Variants in WDR20 observed in about 807,000 individuals in gnomAD.
WDR20 encodes WD repeat-containing protein 20.
A neutral mutation model predicts 38.7 loss-of-function variants in WDR20; 3 were observed. The ratio of observed to expected loss-of-function variants is 0.08; its 90% CI spans 0.04 to 0.20. The LOEUF (loss-of-function observed/expected upper bound fraction) is 0.20. WDR20 is among the 10% of genes least tolerant of loss of function. WDR20 has a pLI of 1.00. For missense variants in WDR20, 559 were observed against 727.7 expected, an observed-to-expected ratio of 0.77 and a Z score of 2.67; for synonymous variants, 298 against 285.6, an observed-to-expected ratio of 1.04 and a Z score of -0.44.
intron 1 of WDR20, among the ~76,000 whole-genome samples, chr14:102,172,752 G>C (rs1267603950): frequency 6.7e-6 from 1 of 150,352 alleles, no homozygotes; most frequent in Admixed American, 6.6e-5. Flanking sequence ...CTGCCGGGCG[G>C]AGACGCTCCT....
At chr14:102,146,638 C>T (rs2053735619) in intron 1 of WDR20, among the ~76,000 whole-genome samples, 1 of 152,132 alleles carries the variant, frequency 6.6e-6, no homozygotes, top group Admixed American at 6.6e-5. Flanking sequence ...GTCTCTTTGT[C>T]AAAAACTGCA....
Position 102,191,016 on chromosome 14 carries a change from G to A in WDR20, c.250-3922G>A, listed in dbSNP as rs376389700. Reference sequence around the variant, plus strand: ...ACTCTATCTCAAAAAAAAAAAAAAAGAAAAAAATTAGGAGACATTTTGATT... The same window carrying A: ...ACTCTATCTCAAAAAAAAAAAAAAAAAAAAAAATTAGGAGACATTTTGATT... On this transcript the variant is annotated intron_variant, in intron 1 of 2. Transcript: ENST00000342702. Among the ~76,000 whole-genome samples, 696 of 148,860 alleles carry A rather than the reference G, an allele frequency of 4.7e-3. 6 individuals carry two copies. Among genetic ancestry groups the A allele is most frequent in the African/African-American group, 0.015 (621 of 40,446 alleles).
At chr14:102,146,252 C>T (rs2053603000) in intron 1 of WDR20, among the ~76,000 whole-genome samples, 1 of 152,084 alleles carries the variant, frequency 6.6e-6, no homozygotes, top group Non-Finnish European at 1.5e-5. Context: ...TGACCTCTGG[C>T]ACCCGGGTTT....
chr14:102,212,144 G>A (rs1262307346), downstream of WDR20, among the ~76,000 whole-genome samples: 2 of 152,314 alleles, frequency 1.3e-5, no homozygotes, highest in East Asian at 1.9e-4. Flanking sequence ...AAACAACTCC[G>A]AAGTGTGCTG....
Position 102,195,132 on chromosome 14 carries a change from C to G in WDR20, c.432+12C>G. ...TTTTTAATGAGGAAGTAAGTAGCAC[C>G]CTGTCTTAGCTGTTAAGAATCCCTT... On this transcript the variant is annotated intron_variant, in intron 2 of 2. Transcript: ENST00000342702. 6.2e-7 allele frequency: 1 copy of G among 1,612,928 alleles called. No homozygotes were observed. The highest frequency in any genetic ancestry group is 8.5e-7 in the Non-Finnish European group (1 of 1,179,470).
downstream of WDR20, chr14:102,213,533 C>G (rs147420662): frequency 4.1e-6 from 4 of 985,238 alleles, no homozygotes; most frequent in Admixed American, 6.2e-5. Context: ...TTCTCAAAGG[C>G]GTTCAGGAAT....
chr14:102,175,847 C>T (rs1274803991), intron 1 of WDR20, among the ~76,000 whole-genome samples: 1 of 152,156 alleles, frequency 6.6e-6, no homozygotes, highest in African/African-American at 2.4e-5. Context: ...ATTTGATTCT[C>T]AGCTTGGTCG....
chr14:102,196,778 T>A (rs1222072775), intron 2 of WDR20, among the ~76,000 whole-genome samples: 1 of 152,226 alleles, frequency 6.6e-6, no homozygotes, highest in African/African-American at 2.4e-5. Flanking sequence ...GGAAGGCAGC[T>A]CCTCATTCTT....
intron 2 of WDR20, among the ~76,000 whole-genome samples, chr14:102,205,926 T>G (rs2061451659): frequency 6.6e-6 from 1 of 152,150 alleles, no homozygotes; most frequent in Non-Finnish European, 1.5e-5. Context: ...GCACAGGATG[T>G]TATCTGTAAG....
intron 1 of WDR20, among the ~76,000 whole-genome samples, chr14:102,148,637 A>G (rs957116580): frequency 3.1e-4 from 46 of 150,750 alleles, no homozygotes; most frequent in African/African-American, 9.5e-4. Flanking sequence ...TGTGAAGTGT[A>G]TTTAACACTC....
At chr14:102,145,152 G>C (rs1189217521) in intron 1 of WDR20, among the ~76,000 whole-genome samples, 1 of 152,182 alleles carries the variant, frequency 6.6e-6, no homozygotes, top group African/African-American at 2.4e-5. Flanking sequence ...TTTAGAGTTA[G>C]GCCCTTGCTG....
chr14:102,212,641 C>T (rs866376050), downstream of WDR20: 73 of 1,533,738 alleles, frequency 4.8e-5, 5 homozygotes, highest in Middle Eastern at 7.4e-3. Flanking sequence ...GCGCCCTTCT[C>T]CTCGGCTGTG....
chr14:102,202,940 C>A (rs578126979), intron 2 of WDR20, among the ~76,000 whole-genome samples: 2 of 152,206 alleles, frequency 1.3e-5, no homozygotes, highest in East Asian at 3.9e-4. Context: ...TAGCTGCATA[C>A]TGGGCAAAAC....
chr14:102,161,893 C>T (rs186046691), intron 1 of WDR20, among the ~76,000 whole-genome samples: 2 of 152,242 alleles, frequency 1.3e-5, no homozygotes, highest in Non-Finnish European at 2.9e-5. Context: ...TTATAGAAGC[C>T]TTTACCAAAC....
intron 1 of WDR20, among the ~76,000 whole-genome samples, chr14:102,151,055 A>C (rs2055609227): frequency 1.3e-5 from 2 of 152,318 alleles, no homozygotes; most frequent in South Asian, 4.1e-4. Context: ...GCTAAAAGGC[A>C]TTCAGAACTG....
intron 1 of WDR20, among the ~76,000 whole-genome samples, chr14:102,174,848 C>T (rs2061719058): frequency 6.6e-6 from 1 of 152,008 alleles, no homozygotes; most frequent in Non-Finnish European, 1.5e-5. Context: ...ATTTGTATAT[C>T]TTCTTTTGAG....
chr14:102,193,985 G>T (rs2058983004), intron 1 of WDR20, among the ~76,000 whole-genome samples: 1 of 152,174 alleles, frequency 6.6e-6, no homozygotes, highest in Non-Finnish European at 1.5e-5. Context: ...TCTTGAAAGT[G>T]GGGAGGGCAC....
chr14:102,198,028 A>G (rs2059694304), intron 2 of WDR20: 3 of 450,008 alleles, frequency 6.7e-6, no homozygotes, highest in African/African-American at 3.9e-5. Context: ...GTGACCACAG[A>G]TGGTGACACT....
intron 1 of WDR20, among the ~76,000 whole-genome samples, chr14:102,142,774 C>CTG (rs1193456475): frequency 0.027 from 2,323 of 85,038 alleles, 44 homozygotes; most frequent in South Asian, 0.12. Flanking sequence ...GCTGTTTTGA[C>CTG]TTTTTTTTTT....
Sources: allele counts gnomAD v4.1 joint callset (sites outside exome capture counted in the v4.1 genomes callset), GRCh38; gene constraint gnomAD v4.1.1; transcripts MANE v1.5; gene names NCBI Gene and HGNC (gene_info 2026-07-23, HGNC 2026-07-21).